Variants in GNB2 observed in about 807,000 individuals in gnomAD.
The protein encoded by GNB2 is G protein subunit beta 2, also known as guanine nucleotide-binding protein G(I)/G(S)/G(T) subunit beta-2.
Under a neutral mutation model 40.7 loss-of-function variants are expected in GNB2, and 7 were observed. The ratio of observed to expected loss-of-function variants is 0.17; its 90% confidence interval spans 0.10 to 0.32. The LOEUF is 0.32. Ranked by LOEUF, GNB2 falls within the 10% of genes least tolerant of loss-of-function variation. GNB2 has a pLI of 1.00. For synonymous variants in GNB2, 254 were observed against 191.2 expected, an observed-to-expected ratio of 1.33 and a Z score of -2.71; for missense variants, 286 against 473.0, an observed-to-expected ratio of 0.60 and a Z score of 3.67.
chr7:100,677,315 G>A (rs775527732), intron 4 of GNB2, 37 bp from the exon 5 acceptor site: 32 of 1,567,562 alleles, frequency 2.0e-5, no homozygotes, highest in South Asian at 4.4e-5. Context: ...TTGTTTTCAC[G>A]CCACCCTTCT....
At chr7:100,676,475 C>T in intron 2 of GNB2, 60 bp from the exon 3 acceptor site, 2 of 1,447,102 alleles carry the variant, frequency 1.4e-6, no homozygotes, top group Non-Finnish European at 9.7e-7. Flanking sequence ...GTTCTCTTCT[C>T]TCCCTTTCCT....
In GNB2 at chr7:100,676,295, G is replaced by A. The variant is rs779125871; in HGVS notation, c.30G>A (p.Glu10=). The A allele has an allele frequency of 1.4e-5, 22 of 1,608,416 alleles. No homozygotes were observed. In the Admixed American group the frequency reaches 3.7e-4, roughly 27 times the overall value. The change falls in exon 2 of 10, where the codon GAG becomes GAA. Residue 10 remains glutamate, a synonymous_variant. Transcript: ENST00000303210. MSELEQLRQ[E]AEQLRNQIRD... ...GTGAGCTGGAGCAACTGAGACAGGA[G>A]GCCGAGCAGCTCCGGAACCAGATCC...
intron 4 of GNB2, chr7:100,677,054 A>G (rs1444407408): frequency 1.7e-6 from 1 of 591,728 alleles, no homozygotes; most frequent in Non-Finnish European, 3.0e-6. Context: ...GGGCAGGATC[A>G]CTTGAGCTCA....
intron 7 of GNB2, 79 bp downstream of exon 7, chr7:100,677,897 T>G: frequency 1.6e-6 from 2 of 1,289,788 alleles, no homozygotes; most frequent in Non-Finnish European, 2.2e-6. Context: ...GTGCTCAACA[T>G]GCAGCATGCA....
Position 100,676,149 on chromosome 7 carries a change from G to A in GNB2, c.-89-28G>A, listed in dbSNP as rs1189590599. 16 of 614,772 alleles carry A rather than the reference G, an allele frequency of 2.6e-5. No individual in the cohort carries two copies. In the Admixed American group the frequency reaches 4.8e-4, roughly 18 times the overall value. 38.1% of individuals were successfully genotyped at this position (614,772 alleles called of 1,614,324 possible). A position where few individuals can be genotyped will look rare whatever the true frequency, so the allele number is the denominator to read the frequency against. On this transcript the variant is annotated intron_variant, in intron 1 of 9. Coordinates refer to ENST00000303210, the MANE Select transcript of GNB2 (RefSeq NM_005273.4). ...TCTCCCCACTTCCCCGGCGGCCTCG[G>A]GCCTGACGTCAGCCCTGCATCCCCC...
At position 100,677,428 on chromosome 7, in the gene GNB2, G is replaced by C; in HGVS notation, c.267+13G>C. 6.2e-7 allele frequency: 1 copy of C among 1,613,442 alleles called. No homozygotes were observed. Among genetic ancestry groups the C allele is most frequent in the Admixed American group, 1.7e-5 (1 of 60,026 alleles). ...CACCACCAACAAGGTAGGGTGGCGC[G>C]GGCTGCGGGGTGGGGCAGGGCCACA... On this transcript the variant is annotated intron_variant, in intron 5 of 9. Transcript: ENST00000303210.
In GNB2 at chr7:100,676,542, G is replaced by A. The variant is rs1334436346; in HGVS notation, c.65G>A (p.Arg22Gln). The A allele has an allele frequency of 8.1e-6, 13 of 1,611,700 alleles. No homozygotes were observed. In the Admixed American group the frequency reaches 2.2e-4, roughly 27 times the overall value. ...CTCTGCCATCCCTTACAGGATGCCCGAAAAGCATGTGGGGACTCAACACTG... is the reference window on the plus strand; with the variant it reads ...CTCTGCCATCCCTTACAGGATGCCCAAAAAGCATGTGGGGACTCAACACTG... The part of the protein sequence containing the change: ...EQLRNQIRDA[R>Q]KACGDSTLTQ... Residue 22 changes from arginine to glutamine, a missense_variant, in exon 3 of 10, where the codon CGA (arginine) becomes CAA (glutamine). Coordinates refer to ENST00000303210, the MANE Select transcript of GNB2 (RefSeq NM_005273.4).
Position 100,679,027 on chromosome 7 carries a change from G to C in GNB2, c.*226G>C, listed in dbSNP as rs1804436404. On this transcript the variant is annotated 3_prime_UTR_variant, in exon 10 of 10. Transcript: ENST00000303210. ...AGCAGGAGGCCCTCATCCTTCTGCT[G>C]CCCTGGGGTTGGGGCCTCACCCCTC... The C allele has an allele frequency of 1.9e-6, 1 of 539,830 alleles. No individual in the cohort carries two copies. Among genetic ancestry groups the C allele is most frequent in the Non-Finnish European group, 3.3e-6 (1 of 302,964 alleles). 33.4% of individuals were successfully genotyped at this position (539,830 alleles called of 1,614,324 possible).
chr7:100,674,576 G>A (rs1201328224), intron 1 of GNB2, among the ~76,000 whole-genome samples: 1 of 152,000 alleles, frequency 6.6e-6, no homozygotes, highest in African/African-American at 2.4e-5. Flanking sequence ...GGCCCACTGC[G>A]CTTCGCAGCG....
At chr7:100,677,961 C>T (rs914565442) in intron 7 of GNB2, 137 bp from the exon 8 acceptor site, 7 of 994,202 alleles carry the variant, frequency 7.0e-6, no homozygotes, top group Admixed American at 2.0e-5. Flanking sequence ...GGATGCGTCC[C>T]CTCCCCACCT....
At chr7:100,676,460 CTTCTG>C (rs1267830547) in intron 2 of GNB2, 70 bp from the exon 3 acceptor site, 1 of 1,373,262 alleles carries the variant, frequency 7.3e-7, no homozygotes, top group African/African-American at 1.4e-5. Flanking sequence ...CCACTCCTGT[CTTCTG>C]TTCTCTTCTC....
At position 100,676,189 on chromosome 7, in the gene GNB2, CGGCCAGGAGCTGCCTCCCCCAG is replaced by C; in HGVS notation, c.-76_-55del. 1.2e-6 allele frequency: 1 copy of C among 839,458 alleles called. No individual in the cohort carries two copies. The highest frequency in any genetic ancestry group is 1.9e-6 in the Non-Finnish European group (1 of 530,040). The allele number at this position is 839,458 out of a possible 1,614,324, so 52.0% of individuals were successfully genotyped here. ...CTGCATCCCCCAGGCCTCGGGCCAG[CGGCCAGGAGCTGCCTCCCCCAG>C]CCCCCGTCCCGCGGCCCCCAGCCGC... is the stretch of plus-strand genomic sequence containing the variant. On this transcript the variant is annotated 5_prime_UTR_variant, in exon 2 of 10. Transcript: ENST00000303210.
chr7:100,678,825 G>A lies in GNB2; in HGVS notation c.*24G>A. On this transcript the variant is annotated 3_prime_UTR_variant, in exon 10 of 10. Coordinates refer to ENST00000303210, the MANE Select transcript of GNB2 (RefSeq NM_005273.4). ...AATGGCCCCACCCCCACTGGGCCCA[G>A]GCCAGGAGGGGCCCTGCCCATGCCC... The A allele has an allele frequency of 6.6e-7, 1 of 1,521,568 alleles. No individual in the cohort carries two copies. 94.3% of individuals were successfully genotyped at this position (1,521,568 alleles called of 1,614,324 possible).
chr7:100,676,403 G>A (rs1804347961), intron 2 of GNB2, 81 bp downstream of exon 2: 1 of 1,346,308 alleles, frequency 7.4e-7, no homozygotes, highest in Non-Finnish European at 1.1e-6. Context: ...GTGTTGGTGG[G>A]GGAAGGGGGA....
chr7:100,678,892 C>G lies in GNB2; in HGVS notation c.*91C>G, dbSNP rs1244346084. 3.9e-6 allele frequency: 4 copies of G among 1,033,916 alleles called. No individual in the cohort carries two copies. The South Asian group carries it at 5.8e-5, about 15-fold the overall frequency. The allele number at this position is 1,033,916 out of a possible 1,614,324, so 64.0% of individuals were successfully genotyped here. ...CTGCGGGGCTGGCGCAATCCCAGCC[C>G]CCTTCCCCGGGCCACGGGGCCTTGG... On this transcript the variant is annotated 3_prime_UTR_variant, in exon 10 of 10. Transcript: ENST00000303210.
chr7:100,677,833 G>A lies in GNB2; in HGVS notation c.497+15G>A. 2 of 1,610,586 alleles carry A rather than the reference G, an allele frequency of 1.2e-6. No individual in the cohort carries two copies. The highest frequency in any genetic ancestry group is 1.7e-6 in the Non-Finnish European group (2 of 1,177,578). On this transcript the variant is annotated intron_variant, in intron 7 of 9. Coordinates refer to ENST00000303210, the MANE Select transcript of GNB2 (RefSeq NM_005273.4). Reference sequence around the variant, plus strand: ...GATACCACCTGGTGAGGCTCTGCCAGGGCTGGGCAGTCTGGGCAAACCCAC... The same window carrying A: ...GATACCACCTGGTGAGGCTCTGCCAAGGCTGGGCAGTCTGGGCAAACCCAC...
Position 100,678,778 on chromosome 7 carries a change from T to C in GNB2, c.1000T>C (p.Ser334Pro). ...GMAVATGSWD[S>P]FLKIWN ...GGCTGTGGCCACGGGCTCCTGGGACTCCTTCCTCAAGATCTGGAACTAATG... is the reference window on the plus strand; with the variant it reads ...GGCTGTGGCCACGGGCTCCTGGGACCCCTTCCTCAAGATCTGGAACTAATG... The change falls in exon 10 of 10, where the codon TCC becomes CCC. Residue 334 changes from serine (S) to proline (P), a missense_variant. Physicochemically the swap from Ser to Pro is moderately conservative, Grantham distance 74 (BLOSUM62 -1). Transcript: ENST00000303210. 1 of 1,612,996 alleles carries C rather than the reference T, an allele frequency of 6.2e-7. No homozygotes were observed. Among genetic ancestry groups the C allele is most frequent in the Non-Finnish European group, 8.5e-7 (1 of 1,179,448 alleles).
Position 100,676,816 on chromosome 7 carries a change from G to T in GNB2, c.203+17G>T. The T allele has an allele frequency of 6.9e-7, 1 of 1,448,920 alleles. No individual in the cohort carries two copies. Among genetic ancestry groups the T allele is most frequent in the Non-Finnish European group, 9.5e-7 (1 of 1,057,704 alleles). The allele number at this position is 1,448,920 out of a possible 1,614,324, so 89.8% of individuals were successfully genotyped here. A position where few individuals can be genotyped will look rare whatever the true frequency, so the allele number is the denominator to read the frequency against. On this transcript the variant is annotated intron_variant, in intron 4 of 9. Transcript: ENST00000303210. ...CGACTCAAGGTGTGTGTGTGTGCGC[G>T]GGCTGGCGCTGTGGGCCGACTTTCT...
At chr7:100,677,097 G>T (rs993277635) in intron 4 of GNB2, 10 of 594,176 alleles carry the variant, frequency 1.7e-5, no homozygotes, top group Non-Finnish European at 2.7e-5. Flanking sequence ...AACATAGTGA[G>T]ACCCTGGCTC....
Sources: allele counts gnomAD v4.1 joint callset (sites outside exome capture counted in the v4.1 genomes callset), GRCh38; gene constraint gnomAD v4.1.1; transcripts MANE v1.5; gene names NCBI Gene and HGNC (gene_info 2026-07-23, HGNC 2026-07-21).